RIMS2: variants seen among roughly 807,000 people sequenced by gnomAD.
The protein encoded by RIMS2 is regulating synaptic membrane exocytosis protein 2.
In RIMS2, 59 loss-of-function variants were observed where a neutral mutation model predicts 174.4. The ratio of observed to expected loss-of-function variants is 0.34; its 90% confidence interval spans 0.27 to 0.42. The LOEUF (loss-of-function observed/expected upper bound fraction) is 0.42. Among genes scored for constraint, RIMS2 ranks in the 10% least tolerant of loss-of-function variants. The probability of loss-of-function intolerance (pLI) is 1.00; values close to 1 mark genes in which losing one functional copy is unlikely to be tolerated. For synonymous variants in RIMS2, 606 were observed against 572.5 expected, an observed-to-expected ratio of 1.06 and a Z score of -0.84; for missense variants, 1,620 against 1,666.3, an observed-to-expected ratio of 0.97 and a Z score of 0.48.
At chr8:104,097,063 A>G (rs1176143512) in intron 19 of RIMS2, among the ~76,000 whole-genome samples, 1 of 152,150 alleles carries the variant, frequency 6.6e-6, no homozygotes, top group Non-Finnish European at 1.5e-5. Flanking sequence ...GATTGTTTAA[A>G]CATTAATAAC....
At chr8:103,522,191 T>C (rs1473387440) in intron 1 of RIMS2, among the ~76,000 whole-genome samples, 1 of 152,164 alleles carries the variant, frequency 6.6e-6, no homozygotes, top group African/African-American at 2.4e-5. Context: ...TTTAGGGGAT[T>C]CCTTCAGACT....
At chr8:103,564,390 A>G (rs147515764) in intron 1 of RIMS2, among the ~76,000 whole-genome samples, 36 of 152,284 alleles carry the variant, frequency 2.4e-4, no homozygotes, top group African/African-American at 7.7e-4. Context: ...AGATGTATAT[A>G]TAAAGGGGAG....
intron 1 of RIMS2, among the ~76,000 whole-genome samples, chr8:103,538,526 T>C (rs1350542749): frequency 6.8e-6 from 1 of 146,102 alleles, no homozygotes; most frequent in Admixed American, 6.8e-5. Context: ...TGTATCATTC[T>C]TTTTTTTGGA....
In RIMS2 at chr8:103,899,527, A is replaced by G. The variant is rs555052843; in HGVS notation, c.1625-10607A>G. On this transcript the variant is annotated intron_variant, in intron 4 of 23. Coordinates refer to ENST00000504942, the Ensembl canonical transcript of RIMS2. The stretch of plus-strand genomic sequence containing the variant: ...TTGGTTGCATAAATGTCTTCTTTTG[A>G]AAAGTGTCTTTTCATATCCTTTGCC... Among the ~76,000 whole-genome samples the G allele has an allele frequency of 3.3e-4, 50 of 151,856 alleles. 2 individuals carry two copies. Among genetic ancestry groups the G allele is most frequent in the African/African-American group, 1.2e-3 (50 of 41,152 alleles).
At chr8:103,698,392 A>G (rs989536335) in intron 2 of RIMS2, among the ~76,000 whole-genome samples, 2 of 152,210 alleles carry the variant, frequency 1.3e-5, no homozygotes, top group African/African-American at 4.8e-5. Context: ...CACAGATGCC[A>G]TCTATTCCTA....
At chr8:103,784,557 T>C (rs1377757346) in intron 3 of RIMS2, among the ~76,000 whole-genome samples, 2 of 68,778 alleles carry the variant, frequency 2.9e-5, no homozygotes, top group Non-Finnish European at 5.7e-5. Flanking sequence ...TTTGTCAGGT[T>C]TGTCAAAGAT....
At chr8:103,974,548 A>G (rs569110119) in intron 15 of RIMS2, among the ~76,000 whole-genome samples, 8 of 152,134 alleles carry the variant, frequency 5.3e-5, no homozygotes, top group Non-Finnish European at 8.8e-5. Context: ...TTTCCTACCA[A>G]CTTAGAAGTC....
chr8:103,989,075 A>G (rs1331288275), intron 16 of RIMS2, among the ~76,000 whole-genome samples: 1 of 152,152 alleles, frequency 6.6e-6, no homozygotes, highest in African/African-American at 2.4e-5. Context: ...CCCCACTGTT[A>G]TTAGTTTAAT....
chr8:104,121,134 G>A (rs965640654), intron 19 of RIMS2, among the ~76,000 whole-genome samples: 6 of 152,080 alleles, frequency 3.9e-5, no homozygotes, highest in African/African-American at 1.4e-4. Context: ...AGAAGGTCAA[G>A]GCTAGTGGAG....
At chr8:104,248,847 GT>G in intron 21 of RIMS2, 34 bp downstream of exon 27, 1 of 1,023,528 alleles carries the variant, frequency 9.8e-7, no homozygotes, top group Non-Finnish European at 1.5e-6. Context: ...TCACTATTTT[GT>G]TTTAGATTGT....
intron 19 of RIMS2, among the ~76,000 whole-genome samples, chr8:104,156,057 T>A (rs999091926): frequency 5.3e-5 from 8 of 152,218 alleles, no homozygotes; most frequent in Non-Finnish European, 1.0e-4. Flanking sequence ...ATGAGAAAAC[T>A]GAATTTGGAA....
intron 1 of RIMS2, among the ~76,000 whole-genome samples, chr8:103,579,241 C>CCT (rs946404523): frequency 1.3e-4 from 18 of 138,354 alleles, no homozygotes; most frequent in African/African-American, 4.6e-4. Flanking sequence ...TCTCTCTCTC[C>CCT]CTCTCTCTCT....
intron 1 of RIMS2, among the ~76,000 whole-genome samples, chr8:103,610,935 C>T (rs80061135): frequency 0.03 from 4,580 of 152,174 alleles, 77 homozygotes; most frequent in African/African-American, 0.046. Context: ...AGAATTCAGG[C>T]GTGAATCCTT....
intron 3 of RIMS2, among the ~76,000 whole-genome samples, chr8:103,866,609 T>G (rs562767510): frequency 6.6e-6 from 1 of 152,248 alleles, no homozygotes; most frequent in East Asian, 1.9e-4. Context: ...GGTACTAATG[T>G]CAGTAGATCC....
At chr8:103,654,479 C>G (rs1439377686) in intron 1 of RIMS2, among the ~76,000 whole-genome samples, 1 of 151,912 alleles carries the variant, frequency 6.6e-6, no homozygotes, top group Non-Finnish European at 1.5e-5. Flanking sequence ...ACAACTAATT[C>G]ATTCTTGCTC....
intron 3 of RIMS2, among the ~76,000 whole-genome samples, chr8:103,810,342 G>T (rs1012207297): frequency 6.6e-6 from 1 of 152,126 alleles, no homozygotes; most frequent in East Asian, 1.9e-4. Context: ...GGTAGGCAGT[G>T]GAAGAGAGTC....
chr8:103,726,078 G>C (rs1156954124), intron 2 of RIMS2, among the ~76,000 whole-genome samples: 1 of 152,096 alleles, frequency 6.6e-6, no homozygotes, highest in African/African-American at 2.4e-5. Flanking sequence ...TATATAGATG[G>C]TTCCTGACTT....
chr8:103,901,240 A>G (rs1044749235), intron 4 of RIMS2, among the ~76,000 whole-genome samples: 1 of 152,128 alleles, frequency 6.6e-6, no homozygotes, highest in African/African-American at 2.4e-5. Context: ...CTGCCTCAGC[A>G]GTGTGTTTCT....
chr8:104,106,492 A>G (rs2098069726), intron 19 of RIMS2, among the ~76,000 whole-genome samples: 1 of 152,112 alleles, frequency 6.6e-6, no homozygotes, highest in Non-Finnish European at 1.5e-5. Context: ...ACTACTATTG[A>G]TTAATTTGCA....
Sources: gnomAD v4.1 joint callset for allele counts (sites outside exome capture counted in the v4.1 genomes callset) on GRCh38, gnomAD v4.1.1 for gene constraint, MANE v1.5 for transcripts, NCBI Gene and HGNC (gene_info 2026-07-23, HGNC 2026-07-21) for gene names.